ARHGEF4: variants seen among roughly 807,000 people sequenced by gnomAD.
The protein encoded by ARHGEF4 is APC-stimulated guanine nucleotide exchange factor 1.
Under a neutral mutation model 162.0 loss-of-function variants are expected in ARHGEF4, and 119 were observed. That is an observed-to-expected ratio of 0.73 (90% CI 0.63 to 0.86). The LOEUF is 0.86. Ranked by LOEUF, ARHGEF4 falls within the 40% of genes least tolerant of loss-of-function variation. ARHGEF4 has a pLI of 0.00. For synonymous variants in ARHGEF4, 1,014 were observed against 979.9 expected (o/e 1.03, Z -0.65); for missense variants, 2,488 against 2,456.0 (o/e 1.01, Z -0.28).
intron 5 of ARHGEF4, chr2:131,035,158 C>T (rs1663537038): frequency 2.5e-6 from 3 of 1,215,226 alleles, no homozygotes; most frequent in Non-Finnish European, 2.0e-6. Context: ...CGCCCTGCTG[C>T]GCTGCAACCT....
At chr2:131,045,628 T>C in intron 13 of ARHGEF4, 182 bp downstream of exon 13, 1 of 1,540,366 alleles carries the variant, frequency 6.5e-7, no homozygotes, top group Non-Finnish European at 8.8e-7. Flanking sequence ...CCTGGGTCAG[T>C]ATATGGTTGA....
chr2:130,839,158 G>A (rs1680424595), intron 1 of ARHGEF4, among the ~76,000 whole-genome samples: 1 of 152,092 alleles, frequency 6.6e-6, no homozygotes, highest in Non-Finnish European at 1.5e-5. Context: ...GTGTGAGTGT[G>A]TCTTGCCGAG....
intron 1 of ARHGEF4, among the ~76,000 whole-genome samples, chr2:130,907,256 G>T (rs1276131234): frequency 5.1e-5 from 7 of 136,168 alleles, no homozygotes; most frequent in Admixed American, 7.5e-5. Context: ...TCTGGAGACT[G>T]GAGGCTGGAG....
chr2:131,029,992 G>A (rs1689734793), intron 5 of ARHGEF4, among the ~76,000 whole-genome samples: 1 of 152,212 alleles, frequency 6.6e-6, no homozygotes, highest in African/African-American at 2.4e-5. Context: ...ACATGGCTGT[G>A]ACACCAGATG....
intron 1 of ARHGEF4, among the ~76,000 whole-genome samples, chr2:130,871,491 G>C (rs1017782991): frequency 2.0e-5 from 3 of 151,710 alleles, no homozygotes; most frequent in Non-Finnish European, 2.9e-5. Flanking sequence ...AGCCAAGATC[G>C]AGTCATTGTA....
chr2:130,916,189 A>G lies in ARHGEF4; in HGVS notation c.2243A>G (p.Glu748Gly). ...RGESRSSGSG[E>G]RGPEEAPEGG... is the part of the protein sequence containing the mutation. ...GAGAGCCGGAGCTCCGGGTCAGGGG[A>G]GCGTGGCCCGGAGGAGGCCCCCGAA... The change falls in exon 2 of 14, where the codon GAG becomes GGG. Residue 748 changes from glutamate to glycine, a missense_variant. Transcript: ENST00000409359. 2.6e-6 allele frequency: 4 copies of G among 1,547,842 alleles called. No individual in the cohort carries two copies. The highest frequency in any genetic ancestry group is 3.5e-6 in the Non-Finnish European group (4 of 1,146,600).
chr2:130,919,191 C>T (rs917986052), intron 2 of ARHGEF4, among the ~76,000 whole-genome samples: 1 of 152,186 alleles, frequency 6.6e-6, no homozygotes, highest in Non-Finnish European at 1.5e-5. Context: ...CACGGTTCTT[C>T]TACTGATTGG....
At chr2:131,027,844 G>A (rs1689578724) in intron 4 of ARHGEF4, 101 bp from the exon 5 acceptor site, 1 of 1,411,516 alleles carries the variant, frequency 7.1e-7, no homozygotes, top group Non-Finnish European at 9.7e-7. Flanking sequence ...CCCTGCAGAA[G>A]AAGCATTTGT....
intron 1 of ARHGEF4, among the ~76,000 whole-genome samples, chr2:130,841,024 A>G (rs1680564405): frequency 6.6e-6 from 1 of 152,138 alleles, no homozygotes; most frequent in Non-Finnish European, 1.5e-5. Flanking sequence ...TGTTCTAGGC[A>G]CTCATGGTAG....
chr2:130,956,635 C>G (rs1422325283), intron 4 of ARHGEF4, among the ~76,000 whole-genome samples: 2 of 151,454 alleles, frequency 1.3e-5, no homozygotes, highest in Non-Finnish European at 2.9e-5. Flanking sequence ...GAATACTATG[C>G]AGCCATAAAA....
At chr2:130,881,152 C>G (rs547853575) in intron 1 of ARHGEF4, among the ~76,000 whole-genome samples, 2 of 152,182 alleles carry the variant, frequency 1.3e-5, no homozygotes, top group African/African-American at 4.8e-5. Context: ...CCTGTCTCTG[C>G]CGCCCAGTAG....
intron 1 of ARHGEF4, among the ~76,000 whole-genome samples, chr2:130,841,948 G>T (rs11895834): frequency 0.014 from 2,186 of 152,306 alleles, 43 homozygotes; most frequent in African/African-American, 0.049. Context: ...CCCTGGCCTG[G>T]GTTGATGCTC....
chr2:130,853,071 TGTGCTTTGG>T lies in ARHGEF4; in HGVS notation c.39+16082_39+16090del, dbSNP rs1681522995. On this transcript the variant is annotated intron_variant, in intron 1 of 13. Coordinates refer to ENST00000409359, the MANE Select transcript of ARHGEF4 (RefSeq NM_001367493.1). Reference sequence around the variant, plus strand: ...TCCAGCACCAAGGCCATGCATGTTTTGTGCTTTGGGTCCCAGGGGGCTGTTTCTCAAATG... The same window carrying T: ...TCCAGCACCAAGGCCATGCATGTTTTGTCCCAGGGGGCTGTTTCTCAAATG... 3.9e-5 allele frequency among the ~76,000 whole-genome samples: 6 copies of T among 152,316 alleles called. No homozygotes were observed. In the South Asian group the frequency reaches 1.0e-3, roughly 26 times the overall value.
At chr2:131,009,405 C>T (rs753295413) in intron 4 of ARHGEF4, among the ~76,000 whole-genome samples, 18 of 152,192 alleles carry the variant, frequency 1.2e-4, no homozygotes, top group Middle Eastern at 3.4e-3. Flanking sequence ...TGAATCTGTA[C>T]ATTTATTCTT....
At chr2:130,947,497 T>C (rs1683696114) in intron 4 of ARHGEF4, among the ~76,000 whole-genome samples, 1 of 152,204 alleles carries the variant, frequency 6.6e-6, no homozygotes, top group African/African-American at 2.4e-5. Flanking sequence ...GTAGGATGTA[T>C]AACTTCCAGG....
At chr2:131,031,944 G>A (rs923588923) in intron 5 of ARHGEF4, among the ~76,000 whole-genome samples, 12 of 152,296 alleles carry the variant, frequency 7.9e-5, no homozygotes, top group Non-Finnish European at 1.3e-4. Context: ...CACCACCACC[G>A]TGTGGGCAGT....
At chr2:130,844,030 C>G (rs936302411) in intron 1 of ARHGEF4, among the ~76,000 whole-genome samples, 2 of 152,214 alleles carry the variant, frequency 1.3e-5, no homozygotes, top group African/African-American at 4.8e-5. Flanking sequence ...CTTCCTGAGA[C>G]TCCAGCCACT....
chr2:131,023,310 GT>G (rs1159603238), intron 4 of ARHGEF4, among the ~76,000 whole-genome samples: 11 of 151,990 alleles, frequency 7.2e-5, no homozygotes, highest in Admixed American at 1.3e-4. Flanking sequence ...GTGTGAGCCT[GT>G]AATACCAGCT....
rs1455504867 is a variant in ARHGEF4 at position 130,916,637 on chromosome 2, A to C, written c.2691A>C (p.Arg897Ser). The C allele has an allele frequency of 1.3e-6, 2 of 1,550,404 alleles. No homozygotes were observed. Among genetic ancestry groups the C allele is most frequent in the Non-Finnish European group, 1.7e-6 (2 of 1,146,974 alleles). Residue 897 changes from arginine (R) to serine (S), a missense_variant, in exon 2 of 14, where the codon AGA (arginine) becomes AGC (serine). Transcript: ENST00000409359. ...CCTCTGAGAGCTGCAACGCAAAGAG[A>C]CTCAAAACAACGGAGAAAAAACTCA... ...GPSSESCNAK[R>S]LKTTEKKLRA...
Sources: allele counts gnomAD v4.1 joint callset (sites outside exome capture counted in the v4.1 genomes callset), GRCh38; gene constraint gnomAD v4.1.1; transcripts MANE v1.5; gene names NCBI Gene and HGNC (gene_info 2026-07-23, HGNC 2026-07-21).